The following RAB2A variants were observed in gnomAD, a reference collection of about 807,000 sequenced individuals.
The protein encoded by RAB2A is ras-related protein Rab-2A.
Under a neutral mutation model 32.5 loss-of-function variants are expected in RAB2A, and 7 were observed. The observed-to-expected ratio is 0.22, with a 90% CI of 0.12 to 0.40. The LOEUF (loss-of-function observed/expected upper bound fraction) is 0.40, where lower values mean the gene tolerates loss of function less well. RAB2A is among the 10% of genes least tolerant of loss of function. The pLI is 1.00. For missense variants in RAB2A, 108 were observed against 260.7 expected, an observed-to-expected ratio of 0.41 and a Z score of 4.03; for synonymous variants, 79 against 85.2, an observed-to-expected ratio of 0.93 and a Z score of 0.40.
chr8:60,565,937 TCTC>T (rs1808106252), intron 2 of RAB2A, among the ~76,000 whole-genome samples: 1 of 152,080 alleles, frequency 6.6e-6, no homozygotes, highest in Middle Eastern at 3.4e-3. Flanking sequence ...ATGGTCTCGA[TCTC>T]CTGACCTCGT....
Position 60,517,134 on chromosome 8 carries a change from C to G in RAB2A, c.-74C>G. ...CCTGGCGTTTCGAGGCTGAGCGGCACCGGGGTTGGGGCGCGGAGGAGGAGC... is the reference window on the plus strand; with the variant it reads ...CCTGGCGTTTCGAGGCTGAGCGGCAGCGGGGTTGGGGCGCGGAGGAGGAGC... On this transcript the variant is annotated 5_prime_UTR_variant, in exon 1 of 8. Transcript: ENST00000262646. 1 of 1,422,202 alleles carries G rather than the reference C, an allele frequency of 7.0e-7. No homozygotes were observed. Among genetic ancestry groups the G allele is most frequent in the Non-Finnish European group, 9.3e-7 (1 of 1,076,012 alleles). The allele number at this position is 1,422,202 out of a possible 1,614,324, so 88.1% of individuals were successfully genotyped here.
At chr8:60,607,405 G>T (rs1804251821) in intron 6 of RAB2A, among the ~76,000 whole-genome samples, 1 of 144,864 alleles carries the variant, frequency 6.9e-6, no homozygotes, top group Admixed American at 6.8e-5. Flanking sequence ...CTCCAGCCTG[G>T]GCGACAGAGC....
intron 1 of RAB2A, among the ~76,000 whole-genome samples, chr8:60,540,176 G>T (rs1174412394): frequency 6.7e-6 from 1 of 150,182 alleles, no homozygotes. Context: ...CTTTTCTTCT[G>T]TCTCATCCAT....
intron 1 of RAB2A, among the ~76,000 whole-genome samples, chr8:60,551,555 G>A (rs755625238): frequency 2.0e-5 from 3 of 152,182 alleles, no homozygotes; most frequent in Non-Finnish European, 4.4e-5. Context: ...TTACAGGTTA[G>A]GAAACTGAGG....
chr8:60,526,053 A>ATATG (rs1395293328), intron 1 of RAB2A, among the ~76,000 whole-genome samples: 2 of 117,998 alleles, frequency 1.7e-5, no homozygotes, highest in East Asian at 4.9e-4. Context: ...ATATATATAT[A>ATATG]TATAAGTTTT....
At chr8:60,553,376 A>G (rs1807886253) in intron 1 of RAB2A, among the ~76,000 whole-genome samples, 1 of 152,220 alleles carries the variant, frequency 6.6e-6, no homozygotes, top group Non-Finnish European at 1.5e-5. Context: ...TATTACTTGT[A>G]TGATGCCTTC....
intron 6 of RAB2A, among the ~76,000 whole-genome samples, chr8:60,611,266 T>A (rs535416085): frequency 6.6e-6 from 1 of 152,282 alleles, no homozygotes; most frequent in South Asian, 2.1e-4. Context: ...TTTTCAGGGT[T>A]CCTCTGCCTA....
intron 1 of RAB2A, among the ~76,000 whole-genome samples, chr8:60,550,390 CT>C (rs879508044): frequency 1.6e-3 from 237 of 144,744 alleles, no homozygotes; most frequent in Middle Eastern, 3.5e-3. Flanking sequence ...TTTTTTTTGT[CT>C]TTTTTTTTTT....
In RAB2A at chr8:60,556,502, A is replaced by C. The variant is rs542437050; in HGVS notation, c.47-2350A>C. On this transcript the variant is annotated intron_variant, in intron 1 of 7. Transcript: ENST00000262646. ...TATGTCAATTAAAATTTAAAAAAAA[A>C]TTTTAAGAACACGGAAACTAGGTGT... is the stretch of plus-strand genomic sequence containing the variant. 2.4e-3 allele frequency among the ~76,000 whole-genome samples: 361 copies of C among 152,124 alleles called. 2 individuals carry two copies. Among genetic ancestry groups the C allele is most frequent in the African/African-American group, 8.4e-3 (350 of 41,510 alleles).
At chr8:60,533,154 T>G (rs1807503512) in intron 1 of RAB2A, among the ~76,000 whole-genome samples, 1 of 152,210 alleles carries the variant, frequency 6.6e-6, no homozygotes, top group African/African-American at 2.4e-5. Flanking sequence ...AAACTTAGTT[T>G]TACATTACTT....
chr8:60,558,698 C>G, intron 1 of RAB2A, 154 bp from the exon 2 acceptor site: 3 of 683,346 alleles, frequency 4.4e-6, no homozygotes, highest in Middle Eastern at 3.5e-4. Context: ...ATCATCAGTC[C>G]TCTTATTTTG....
At chr8:60,577,782 C>T (rs1184976448) in intron 3 of RAB2A, among the ~76,000 whole-genome samples, 3 of 149,146 alleles carry the variant, frequency 2.0e-5, no homozygotes, top group Middle Eastern at 6.8e-3. Context: ...CCCGCCACCA[C>T]GCCCGGCTAA....
chr8:60,523,783 C>T (rs1807337630), intron 1 of RAB2A, among the ~76,000 whole-genome samples: 2 of 150,622 alleles, frequency 1.3e-5, no homozygotes, highest in Admixed American at 1.3e-4. Flanking sequence ...CTCCGTCTCC[C>T]GGGTTCACAC....
chr8:60,607,611 C>G (rs1044103930), intron 6 of RAB2A, among the ~76,000 whole-genome samples: 1 of 152,032 alleles, frequency 6.6e-6, no homozygotes, highest in African/African-American at 2.4e-5. Context: ...CAGAGCTTCC[C>G]AAATACTAAT....
At chr8:60,536,997 C>G (rs1807567261) in intron 1 of RAB2A, among the ~76,000 whole-genome samples, 1 of 152,182 alleles carries the variant, frequency 6.6e-6, no homozygotes, top group Admixed American at 6.5e-5. Context: ...GTTCCAGATT[C>G]TTCCCAGTTT....
chr8:60,583,758 A>G (rs1031966719), intron 3 of RAB2A, among the ~76,000 whole-genome samples: 5 of 152,100 alleles, frequency 3.3e-5, no homozygotes, highest in East Asian at 1.9e-4. Flanking sequence ...TTTATTTACA[A>G]TGGGTTTTAT....
At chr8:60,532,307 A>G (rs1212121410) in intron 1 of RAB2A, among the ~76,000 whole-genome samples, 1 of 152,238 alleles carries the variant, frequency 6.6e-6, no homozygotes, top group Non-Finnish European at 1.5e-5. Context: ...AAGGGAAAGT[A>G]AAAGTATATG....
intron 1 of RAB2A, among the ~76,000 whole-genome samples, chr8:60,526,056 T>TATATATA (rs1372267520): frequency 0.017 from 2,087 of 125,400 alleles, 74 homozygotes; most frequent in East Asian, 0.038. Context: ...TATATATATA[T>TATATATA]AAGTTTTCTG....
chr8:60,595,103 G>A (rs978734846), intron 6 of RAB2A, among the ~76,000 whole-genome samples: 3 of 152,090 alleles, frequency 2.0e-5, no homozygotes, highest in African/African-American at 7.2e-5. Flanking sequence ...ATAAAAGAAT[G>A]GCTAAAGGAA....
Sources: allele counts gnomAD v4.1 joint callset (sites outside exome capture counted in the v4.1 genomes callset), GRCh38; gene constraint gnomAD v4.1.1; transcripts MANE v1.5; gene names NCBI Gene and HGNC (gene_info 2026-07-23, HGNC 2026-07-21).